Variants in EYS observed in about 807,000 individuals in gnomAD.
The protein encoded by EYS is protein eyes shut homolog.
In EYS, 250 loss-of-function variants were observed where a neutral mutation model predicts 282.1. That is an observed-to-expected ratio of 0.89 (90% CI 0.80 to 0.98). The LOEUF (loss-of-function observed/expected upper bound fraction) is 0.98. Ranked by LOEUF, EYS falls within the 50% of genes least tolerant of loss-of-function variation. The probability of loss-of-function intolerance (pLI) is 0.00; values close to 1 mark genes in which losing one functional copy is unlikely to be tolerated. For missense variants in EYS, 4,016 were observed against 3,709.0 expected (o/e 1.08, Z -2.15); for synonymous variants, 1,355 against 1,282.9 (o/e 1.06, Z -1.20).
chr6:64,030,152 G>A (rs1178395764), intron 33 of EYS, among the ~76,000 whole-genome samples: 1 of 151,920 alleles, frequency 6.6e-6, no homozygotes, highest in Non-Finnish European at 1.5e-5. Context: ...AGTCAAAGAG[G>A]GAGTCAGAAA....
chr6:64,433,631 T>C (rs761083902), intron 28 of EYS, among the ~76,000 whole-genome samples: 11 of 152,038 alleles, frequency 7.2e-5, no homozygotes, highest in African/African-American at 2.7e-4. Context: ...CAATGGTGTA[T>C]GTAAATTGAA....
At chr6:64,196,056 A>G (rs1219688989) in intron 31 of EYS, among the ~76,000 whole-genome samples, 1 of 152,066 alleles carries the variant, frequency 6.6e-6, no homozygotes, top group Non-Finnish European at 1.5e-5. Flanking sequence ...AGAAAAAAAC[A>G]AAGAACCCCA....
intron 22 of EYS, among the ~76,000 whole-genome samples, chr6:64,736,522 A>G (rs1470289310): frequency 1.3e-5 from 2 of 152,182 alleles, no homozygotes; most frequent in Non-Finnish European, 2.9e-5. Context: ...TATTTTTGCT[A>G]GAATCATTAC....
chr6:64,272,114 G>GT (rs1562281423), intron 30 of EYS, among the ~76,000 whole-genome samples: 1 of 152,034 alleles, frequency 6.6e-6, no homozygotes. Context: ...GCTTTGTTTT[G>GT]TTTTTTCTTC....
chr6:65,055,558 C>T (rs1037614487), intron 13 of EYS, among the ~76,000 whole-genome samples: 1 of 151,926 alleles, frequency 6.6e-6, no homozygotes, highest in African/African-American at 2.4e-5. Flanking sequence ...GTTCCAATAT[C>T]TCTTCCAAGA....
intron 2 of EYS, among the ~76,000 whole-genome samples, chr6:65,586,636 C>T (rs919070505): frequency 2.0e-5 from 3 of 152,112 alleles, no homozygotes; most frequent in African/African-American, 4.8e-5. Flanking sequence ...GAAGTGTGTT[C>T]ATGCCCACCA....
At chr6:64,498,285 A>G (rs16895329) in intron 26 of EYS, among the ~76,000 whole-genome samples, 45,144 of 151,680 alleles carry the variant, frequency 0.3, 6,721 homozygotes, top group East Asian at 0.47. Context: ...AGGGAAGTAC[A>G]GAAAATCAAA....
chr6:64,806,335 C>T lies in EYS; in HGVS notation c.3443+7043G>A, dbSNP rs183545958. 4.6e-3 allele frequency among the ~76,000 whole-genome samples: 700 copies of T among 152,000 alleles called. 4 individuals carry two copies. The highest frequency in any genetic ancestry group is 0.016 in the African/African-American group (659 of 41,544). The stretch of plus-strand genomic sequence containing the variant: ...CCTGTAACCATCATAAGTTACCTAA[C>T]TTCTCTTAGTCTTTATTTTGGAGTT... On this transcript the variant is annotated intron_variant, in intron 22 of 42. Transcript: ENST00000503581.
chr6:65,605,816 G>C (rs1765767583), intron 2 of EYS, among the ~76,000 whole-genome samples: 1 of 151,802 alleles, frequency 6.6e-6, no homozygotes, highest in Admixed American at 6.6e-5. Flanking sequence ...GTGTGTGTAT[G>C]TGTGTATATA....
intron 2 of EYS, among the ~76,000 whole-genome samples, chr6:65,560,800 A>G (rs948568766): frequency 1.3e-5 from 2 of 152,122 alleles, no homozygotes; most frequent in Middle Eastern, 3.2e-3. Context: ...ATATTATTAT[A>G]TATACTGGTC....
At chr6:64,435,542 T>C (rs1355671251) in intron 28 of EYS, among the ~76,000 whole-genome samples, 1 of 151,308 alleles carries the variant, frequency 6.6e-6, no homozygotes, top group African/African-American at 2.4e-5. Context: ...CTTATGGCTG[T>C]GGTATGTGTT....
At chr6:64,802,010 C>CA (rs1223367501) in intron 22 of EYS, among the ~76,000 whole-genome samples, 2 of 119,852 alleles carry the variant, frequency 1.7e-5, no homozygotes, top group Non-Finnish European at 3.5e-5. Flanking sequence ...AGAGTTATAA[C>CA]AAATTTCTTT....
At chr6:64,378,588 A>G (rs1772640978) in intron 29 of EYS, among the ~76,000 whole-genome samples, 1 of 152,160 alleles carries the variant, frequency 6.6e-6, no homozygotes, top group Non-Finnish European at 1.5e-5. Flanking sequence ...ATAGTAAAGG[A>G]TAACAGTTAT....
At chr6:65,126,071 T>A (rs747563255) in intron 12 of EYS, among the ~76,000 whole-genome samples, 20 of 152,154 alleles carry the variant, frequency 1.3e-4, no homozygotes, top group Admixed American at 6.6e-4. Flanking sequence ...AATTGGACAC[T>A]CTAGTGAGAC....
intron 35 of EYS, among the ~76,000 whole-genome samples, chr6:63,908,033 CGTTTGTGTGTGTGTGT>C (rs1256100029): frequency 5.4e-5 from 6 of 110,480 alleles, no homozygotes; most frequent in African/African-American, 1.1e-4. Context: ...TATATATATA[CGTTTGTGTGTGTGTGT>C]GTGTGTGTGT....
intron 29 of EYS, among the ~76,000 whole-genome samples, chr6:64,378,556 T>C (rs2035003292): frequency 6.6e-6 from 1 of 152,102 alleles, no homozygotes; most frequent in East Asian, 1.9e-4. Flanking sequence ...GAAATATCAA[T>C]GCTGGGGGGA....
intron 30 of EYS, among the ~76,000 whole-genome samples, chr6:64,243,010 A>G (rs994525039): frequency 3.4e-5 from 5 of 147,050 alleles, no homozygotes; most frequent in African/African-American, 1.2e-4. Context: ...TATAATTTAT[A>G]TATATTTATT....
intron 31 of EYS, among the ~76,000 whole-genome samples, chr6:64,223,601 G>A (rs1412178785): frequency 1.3e-5 from 2 of 151,906 alleles, no homozygotes; most frequent in Non-Finnish European, 2.9e-5. Context: ...GTTTACTTAA[G>A]TTACTAAACT....
rs567390936 is a variant in EYS, at chr6:65,475,396, T to C, written c.862+15198A>G. ...TCTTTATATATACCCAGTGGAACAA[T>C]GTTAATTAATAATATTTTGAAATTT... On this transcript the variant is annotated intron_variant, in intron 5 of 42. Transcript: ENST00000503581. Among the ~76,000 whole-genome samples, 133 of 152,228 alleles carry C rather than the reference T, an allele frequency of 8.7e-4. 2 individuals are homozygous for C. Among genetic ancestry groups the C allele is most frequent in the African/African-American group, 2.6e-3 (107 of 41,574 alleles).
Sources: allele counts gnomAD v4.1 joint callset (sites outside exome capture counted in the v4.1 genomes callset), GRCh38; gene constraint gnomAD v4.1.1; transcripts MANE v1.5; gene names NCBI Gene and HGNC (gene_info 2026-07-23, HGNC 2026-07-21).